Variants in KDM4B observed in about 807,000 individuals in gnomAD.
KDM4B encodes the protein lysine-specific demethylase 4B.
Under a neutral mutation model 125.2 loss-of-function variants are expected in KDM4B, and 32 were observed. The observed-to-expected ratio is 0.26, with a 90% CI of 0.19 to 0.34. KDM4B has a LOEUF of 0.34. Among genes scored for constraint, KDM4B ranks in the 10% least tolerant of loss-of-function variants. The pLI is 1.00. For missense variants in KDM4B, 1,190 were observed against 1,577.7 expected, an observed-to-expected ratio of 0.75 and a Z score of 4.16; for synonymous variants, 721 against 677.9, an observed-to-expected ratio of 1.06 and a Z score of -0.99.
At chr19:5,038,110 C>A (rs2036687400) in intron 3 of KDM4B, among the ~76,000 whole-genome samples, 1 of 152,242 alleles carries the variant, frequency 6.6e-6, no homozygotes, top group Non-Finnish European at 1.5e-5. Flanking sequence ...AGATTCCTGG[C>A]AGATGAGCCG....
chr19:5,081,439 G>T lies in KDM4B; in HGVS notation c.781-928G>T, dbSNP rs2038290889. 6.6e-6 allele frequency among the ~76,000 whole-genome samples: 1 copy of T among 152,206 alleles called. No individual in the cohort carries two copies. The highest frequency in any genetic ancestry group is 2.4e-5 in the African/African-American group (1 of 41,456). On this transcript the variant is annotated intron_variant, in intron 8 of 22. Transcript: ENST00000159111. The surrounding 1 kb of genome is among the most constrained non-coding windows in gnomAD (Gnocchi z 4.2). ...GGGAGGGTTCCTAGGGCACAAGGCT[G>T]TAGCCCCCCAGCCCTGGTAGGCAGC...
intron 9 of KDM4B, among the ~76,000 whole-genome samples, chr19:5,083,034 G>C (rs1394016173): frequency 6.6e-6 from 1 of 152,296 alleles, no homozygotes; most frequent in African/African-American, 2.4e-5. Flanking sequence ...GGTGCTTCCT[G>C]CTGGTGGGGT....
chr19:5,014,063 C>T (rs1039280615), intron 1 of KDM4B, among the ~76,000 whole-genome samples: 6 of 152,236 alleles, frequency 3.9e-5, no homozygotes, highest in Admixed American at 6.5e-5. Flanking sequence ...GTGAATGAGC[C>T]GTGCCCAGTG....
At chr19:4,974,602 G>T (rs1450495761) in intron 1 of KDM4B, among the ~76,000 whole-genome samples, 1 of 151,742 alleles carries the variant, frequency 6.6e-6, no homozygotes, top group Non-Finnish European at 1.5e-5. Context: ...GCCGGGCATG[G>T]TGGTGGGCGC....
intron 1 of KDM4B, among the ~76,000 whole-genome samples, chr19:4,999,925 C>T (rs187964241): frequency 5.5e-5 from 8 of 146,582 alleles, no homozygotes; most frequent in African/African-American, 1.8e-4. Flanking sequence ...GTCCACACAC[C>T]GACCCACCCA....
chr19:5,076,159 C>T (rs2038103285), intron 7 of KDM4B: 1 of 78,294 alleles, frequency 1.3e-5, no homozygotes. Context: ...GGCCACACTG[C>T]ATCCTTTCCC....
intron 22 of KDM4B, 118 bp downstream of exon 22, chr19:5,150,568 G>C: frequency 1.4e-6 from 1 of 712,878 alleles, no homozygotes. Context: ...TTGCACCTCT[G>C]CTGGAAGGGG....
At chr19:5,053,218 A>G (rs2037288444) in intron 6 of KDM4B, among the ~76,000 whole-genome samples, 1 of 152,174 alleles carries the variant, frequency 6.6e-6, no homozygotes, top group South Asian at 2.1e-4. Context: ...CCGAGGCCCA[A>G]CCCTGGCGAG....
At chr19:4,994,191 C>T (rs1209372043) in intron 1 of KDM4B, among the ~76,000 whole-genome samples, 1 of 151,808 alleles carries the variant, frequency 6.6e-6, no homozygotes, top group East Asian at 2.0e-4. Context: ...AGCAGTTTGC[C>T]TGCCTAGGCC....
intron 9 of KDM4B, among the ~76,000 whole-genome samples, chr19:5,098,926 G>A (rs767503683): frequency 4.6e-5 from 7 of 152,212 alleles, no homozygotes; most frequent in Non-Finnish European, 1.0e-4. Flanking sequence ...TTTCAATAAT[G>A]GACTAAGACA....
At position 4,972,988 on chromosome 19, in the gene KDM4B, G is replaced by T. The variant is rs371336357; in HGVS notation, c.-109+3758G>T. On this transcript the variant is annotated intron_variant, in intron 1 of 22. Transcript: ENST00000159111. The stretch of plus-strand genomic sequence containing the variant: ...GCTGCTCTTTGGCCTCTGAGCTTTG[G>T]CAGGTCCTTGCCCAGGCTTGCTTGG... Among the ~76,000 whole-genome samples, 53 of 152,302 alleles carry T rather than the reference G, an allele frequency of 3.5e-4. No homozygotes were observed. In the South Asian group the frequency reaches 8.1e-3, roughly 23 times the overall value.
chr19:5,013,947 C>T (rs895617469), intron 1 of KDM4B, among the ~76,000 whole-genome samples: 4 of 152,178 alleles, frequency 2.6e-5, no homozygotes, highest in African/African-American at 7.2e-5. Flanking sequence ...GGCACTTGGC[C>T]GCTCATCTGG....
chr19:5,109,845 T>C (rs1319464646), intron 9 of KDM4B, among the ~76,000 whole-genome samples: 1 of 152,192 alleles, frequency 6.6e-6, no homozygotes, highest in African/African-American at 2.4e-5. Context: ...TCTCAGCTCT[T>C]TGGGGACTGC....
intron 1 of KDM4B, among the ~76,000 whole-genome samples, chr19:4,985,114 A>C (rs1008216038): frequency 6.6e-6 from 1 of 152,192 alleles, no homozygotes; most frequent in Non-Finnish European, 1.5e-5. Flanking sequence ...CCTTGAGGTC[A>C]GGAGTTTGAG....
At chr19:5,030,370 T>G (rs575609559) in intron 2 of KDM4B, among the ~76,000 whole-genome samples, 23 of 152,322 alleles carry the variant, frequency 1.5e-4, no homozygotes, top group Middle Eastern at 3.4e-3. Flanking sequence ...CTGGGGGACA[T>G]GAGAGTGTGG....
intron 1 of KDM4B, among the ~76,000 whole-genome samples, chr19:5,010,985 CTGTG>C (rs1473404832): frequency 1.3e-5 from 2 of 152,182 alleles, no homozygotes; most frequent in Non-Finnish European, 2.9e-5. Flanking sequence ...GGAAAGCCAT[CTGTG>C]TGTTTGTTTT....
At chr19:4,970,420 G>A (rs1417551610) in intron 1 of KDM4B, among the ~76,000 whole-genome samples, 2 of 152,092 alleles carry the variant, frequency 1.3e-5, no homozygotes, top group Non-Finnish European at 2.9e-5. Context: ...TCTGGCTGGG[G>A]CGTGTATTCA....
At chr19:5,087,010 G>A (rs2038524500) in intron 9 of KDM4B, among the ~76,000 whole-genome samples, 1 of 152,240 alleles carries the variant, frequency 6.6e-6, no homozygotes, top group Non-Finnish European at 1.5e-5. Context: ...GAGCTTCCAG[G>A]GCCCTGCGCG....
chr19:5,045,377 C>G (rs1044033173), intron 5 of KDM4B, among the ~76,000 whole-genome samples: 4 of 149,290 alleles, frequency 2.7e-5, no homozygotes, highest in Non-Finnish European at 4.4e-5. Context: ...GTCTTTTGCC[C>G]AGTTTGTTGT....
Sources: gnomAD v4.1 joint callset for allele counts (sites outside exome capture counted in the v4.1 genomes callset) on GRCh38, gnomAD v4.1.1 for gene constraint, Gnocchi (gnomAD v3.1) non-coding constraint, MANE v1.5 for transcripts, NCBI Gene and HGNC (gene_info 2026-07-23, HGNC 2026-07-21) for gene names.